The following FUBP3 variants were observed in gnomAD, a reference collection of about 807,000 sequenced individuals.
FUBP3 encodes far upstream element-binding protein 3.
In FUBP3, 28 loss-of-function variants were observed where a neutral mutation model predicts 85.6. The ratio of observed to expected loss-of-function variants is 0.33; its 90% CI spans 0.24 to 0.45. The LOEUF (loss-of-function observed/expected upper bound fraction) is 0.45. FUBP3 is among the 20% of genes least tolerant of loss of function. The pLI is 1.00. For missense variants in FUBP3, 583 were observed against 755.1 expected, an observed-to-expected ratio of 0.77 and a Z score of 2.67; for synonymous variants, 271 against 271.4, an observed-to-expected ratio of 1.00 and a Z score of 0.01.
At chr9:130,636,295 C>T in intron 18 of FUBP3, 169 bp downstream of exon 18, 1 of 734,632 alleles carries the variant, frequency 1.4e-6, no homozygotes, top group East Asian at 2.7e-5. Context: ...TCCAGCCCCT[C>T]TGTCCCTCCT....
chr9:130,583,952 G>C (rs1465259486), intron 1 of FUBP3, among the ~76,000 whole-genome samples: 1 of 152,030 alleles, frequency 6.6e-6, no homozygotes, highest in Non-Finnish European at 1.5e-5. Flanking sequence ...GCCCAGGCTG[G>C]TCTCGAACTC....
intron 1 of FUBP3, among the ~76,000 whole-genome samples, chr9:130,587,636 G>A (rs1472365261): frequency 2.6e-5 from 4 of 152,150 alleles, no homozygotes; most frequent in East Asian, 3.8e-4. Flanking sequence ...TTTTCAGAAC[G>A]TGGACCTTTT....
chr9:130,586,683 G>T (rs1229082517), intron 1 of FUBP3, among the ~76,000 whole-genome samples: 1 of 151,808 alleles, frequency 6.6e-6, no homozygotes, highest in East Asian at 1.9e-4. Context: ...TTTTAGGAAG[G>T]ACTTGGTTCC....
chr9:130,596,299 C>T (rs1047309457), intron 2 of FUBP3, among the ~76,000 whole-genome samples: 4 of 152,034 alleles, frequency 2.6e-5, no homozygotes, highest in Admixed American at 6.6e-5. Context: ...TGCATGTAGT[C>T]GAGTGAGTCG....
At chr9:130,591,970 G>A (rs970573393) in intron 1 of FUBP3, among the ~76,000 whole-genome samples, 1 of 152,206 alleles carries the variant, frequency 6.6e-6, no homozygotes, top group Admixed American at 6.5e-5. Flanking sequence ...AGTGGCTTAC[G>A]CCTGTAATCT....
At chr9:130,614,604 C>CA (rs1831908332) in intron 6 of FUBP3, among the ~76,000 whole-genome samples, 1 of 152,228 alleles carries the variant, frequency 6.6e-6, no homozygotes, top group Non-Finnish European at 1.5e-5. Context: ...CAGGAGTGTA[C>CA]ATTCACCCCA....
chr9:130,625,493 G>A (rs1299865597), intron 11 of FUBP3, among the ~76,000 whole-genome samples: 1 of 152,202 alleles, frequency 6.6e-6, no homozygotes, highest in East Asian at 1.9e-4. Context: ...TTCTTCATGT[G>A]TTGAAAAGTC....
At chr9:130,585,524 A>G (rs575401519) in intron 1 of FUBP3, among the ~76,000 whole-genome samples, 4 of 152,348 alleles carry the variant, frequency 2.6e-5, no homozygotes, top group African/African-American at 9.6e-5. Flanking sequence ...AGGCTGTTTA[A>G]AGATCTTCCG....
At chr9:130,592,813 G>A (rs1256177017) in intron 1 of FUBP3, among the ~76,000 whole-genome samples, 1 of 152,148 alleles carries the variant, frequency 6.6e-6, no homozygotes, top group African/African-American at 2.4e-5. Flanking sequence ...CAAAGTGCTG[G>A]AGTTACCTTT....
In FUBP3 at chr9:130,629,135, AG is replaced by A. The variant is rs374241061; in HGVS notation, c.1118-1492del. ...GAGCCTGCTTTTCATGGTGCAGAGA[AG>A]ATAAAATCCATGGCCTCCGAGTAAA... On this transcript the variant is annotated intron_variant, in intron 12 of 18. Transcript: ENST00000319725. Among the ~76,000 whole-genome samples the A allele has an allele frequency of 1.8e-3, 271 of 152,308 alleles. 1 individual carries two copies. Among genetic ancestry groups the A allele is most frequent in the African/African-American group, 6.2e-3 (259 of 41,562 alleles).
In FUBP3 at chr9:130,607,657, G is replaced by T. The variant is rs1475662659; in HGVS notation, c.191-2297G>T. On this transcript the variant is annotated intron_variant, in intron 2 of 18. Transcript: ENST00000319725. ...GTTCCTGGAGTTGGACATAGAAGTT[G>T]GCCATATGAGTACCCAGCGCCCCTG... Among the ~76,000 whole-genome samples the T allele has an allele frequency of 4.6e-5, 7 of 152,122 alleles. No individual in the cohort carries two copies. The East Asian group carries it at 1.3e-3, about 29-fold the overall frequency.
intron 2 of FUBP3, among the ~76,000 whole-genome samples, chr9:130,609,499 G>A (rs979435322): frequency 2.0e-5 from 3 of 152,194 alleles, no homozygotes; most frequent in African/African-American, 7.2e-5. Flanking sequence ...GCCAGGAGGA[G>A]CATATGTGCG....
chr9:130,622,022 TA>T (rs920328926), intron 9 of FUBP3, among the ~76,000 whole-genome samples: 2 of 149,334 alleles, frequency 1.3e-5, no homozygotes. Context: ...AGTTGCGTGT[TA>T]AAAAAAAATG....
intron 1 of FUBP3, 114 bp from the exon 2 acceptor site, chr9:130,595,369 A>G (rs1398385140): frequency 1.5e-6 from 1 of 683,020 alleles, no homozygotes; most frequent in Non-Finnish European, 2.7e-6. Flanking sequence ...GCCTTCCATT[A>G]ATCAAGGTCA....
intron 12 of FUBP3, among the ~76,000 whole-genome samples, chr9:130,628,609 C>T (rs1363373504): frequency 6.6e-6 from 1 of 152,168 alleles, no homozygotes; most frequent in African/African-American, 2.4e-5. Flanking sequence ...AGGGCCGGGG[C>T]CTCGGCTGTC....
At chr9:130,609,544 C>G (rs1201247822) in intron 2 of FUBP3, among the ~76,000 whole-genome samples, 1 of 152,146 alleles carries the variant, frequency 6.6e-6, no homozygotes, top group Non-Finnish European at 1.5e-5. Context: ...TGGAGCAGTC[C>G]TTAACAATGC....
chr9:130,621,503 G>A (rs2119095151), intron 9 of FUBP3, among the ~76,000 whole-genome samples: 1 of 152,292 alleles, frequency 6.6e-6, no homozygotes, highest in South Asian at 2.1e-4. Context: ...AGTGTGTATG[G>A]TGTGTTTATT....
intron 6 of FUBP3, 32 bp downstream of exon 6, chr9:130,614,377 T>C: frequency 7.3e-7 from 1 of 1,361,590 alleles, no homozygotes; most frequent in Non-Finnish European, 1.0e-6. Context: ...TTTCTTTCAC[T>C]CTTCTTCCTC....
Position 130,626,439 on chromosome 9 carries a change from C to G in FUBP3, c.1051C>G (p.Pro351Ala), listed in dbSNP as rs745778981. The G allele has an allele frequency of 1.2e-6, 2 of 1,613,968 alleles. No individual in the cohort carries two copies. The highest frequency in any genetic ancestry group is 3.3e-5 in the Admixed American group (2 of 60,000). Reference sequence around the variant, plus strand: ...CCGTGGCGACTGGAGCGTGGGAGCCCCTGGTGGCGTCCAGGAGATAACATA... The same window carrying G: ...CCGTGGCGACTGGAGCGTGGGAGCCGCTGGTGGCGTCCAGGAGATAACATA... The part of the protein sequence containing the change: ...RGRGDWSVGA[P>A]GGVQEITYTV... The change falls in exon 12 of 19, where the codon CCT (proline) becomes GCT (alanine). Residue 351 changes from proline (P) to alanine (A), a missense_variant. Coordinates refer to ENST00000319725, the MANE Select transcript of FUBP3 (RefSeq NM_003934.2).
Sources: gnomAD v4.1 joint callset for allele counts (sites outside exome capture counted in the v4.1 genomes callset) on GRCh38, gnomAD v4.1.1 for gene constraint, MANE v1.5 for transcripts, NCBI Gene and HGNC (gene_info 2026-07-23, HGNC 2026-07-21) for gene names.